Variants in GBE1 observed in about 807,000 individuals in gnomAD.
GBE1 encodes the protein 1,4-alpha-glucan-branching enzyme.
GBE1 carries 70 observed loss-of-function variants against 88.8 expected under a neutral mutation model. The ratio of observed to expected loss-of-function variants is 0.79; its 90% CI spans 0.65 to 0.96. The LOEUF is 0.96. Ranked by LOEUF, GBE1 falls within the 40% of genes least tolerant of loss-of-function variation. The pLI, the probability that GBE1 is intolerant of heterozygous loss-of-function variation, is 0.00. For synonymous variants in GBE1, 284 were observed against 300.1 expected (o/e 0.95, Z 0.56); for missense variants, 872 against 871.0 (o/e 1.00, Z -0.01).
At chr3:81,539,789 G>A (rs1703120833) in intron 12 of GBE1, among the ~76,000 whole-genome samples, 1 of 152,152 alleles carries the variant, frequency 6.6e-6, no homozygotes, top group South Asian at 2.1e-4. Context: ...GTGACAGAAA[G>A]TTTGGGGTAA....
At position 81,535,267 on chromosome 3, in the gene GBE1, A is replaced by G; in HGVS notation, c.1862T>C (p.Leu621Pro). 6.2e-7 allele frequency: 1 copy of G among 1,611,540 alleles called. No individual in the cohort carries two copies. The highest frequency in any genetic ancestry group is 2.2e-5 in the East Asian group (1 of 44,800). ...TGGATGGAAGTTGAAAATGAAAAGA[A>G]GACCTGCTCTTTCAAAAGCAATGAT... ...NKIIAFERAG[L>P]LFIFNFHPSK... The change falls in exon 14 of 16, where the codon CTT (leucine) becomes CCT (proline). Residue 621 changes from leucine to proline, a missense_variant. Coordinates refer to ENST00000429644, the MANE Select transcript of GBE1 (RefSeq NM_000158.4).
intron 9 of GBE1, among the ~76,000 whole-genome samples, 156 bp downstream of exon 9, chr3:81,590,881 A>G (rs1206582343): frequency 6.6e-6 from 1 of 152,100 alleles, no homozygotes; most frequent in Non-Finnish European, 1.5e-5. Flanking sequence ...AATTCTAAAT[A>G]ATGTGCCACC....
intron 7 of GBE1, among the ~76,000 whole-genome samples, chr3:81,621,904 C>A (rs1310374606): frequency 6.6e-6 from 1 of 152,094 alleles, no homozygotes; most frequent in Non-Finnish European, 1.5e-5. Flanking sequence ...AGCATCAACA[C>A]CCAATCAAAT....
chr3:81,708,967 G>A (rs1423004933), intron 1 of GBE1, among the ~76,000 whole-genome samples: 1 of 152,124 alleles, frequency 6.6e-6, no homozygotes, highest in African/African-American at 2.4e-5. Flanking sequence ...TAACAATTAT[G>A]AGGAGCTGAC....
chr3:81,604,877 A>G (rs1017313871), intron 7 of GBE1, among the ~76,000 whole-genome samples: 5 of 152,154 alleles, frequency 3.3e-5, no homozygotes, highest in African/African-American at 9.7e-5. Flanking sequence ...GAGACCTTTC[A>G]TAACATGTTT....
At chr3:81,607,225 T>C (rs1168561963) in intron 7 of GBE1, among the ~76,000 whole-genome samples, 1 of 152,198 alleles carries the variant, frequency 6.6e-6, no homozygotes, top group Admixed American at 6.5e-5. Context: ...GGAAAAACTA[T>C]TGTTTACCTC....
At chr3:81,712,918 T>G in intron 1 of GBE1, among the ~76,000 whole-genome samples, 1 of 152,124 alleles carries the variant, frequency 6.6e-6, no homozygotes, top group East Asian at 1.9e-4. Context: ...TACAAAATTA[T>G]TCATATATTA....
In GBE1 at chr3:81,498,897, T is replaced by C. The variant is rs1702549150; in HGVS notation, c.2052+213A>G. Among the ~76,000 whole-genome samples, 3 of 152,292 alleles carry C rather than the reference T, an allele frequency of 2.0e-5. 1 individual carries two copies. Among genetic ancestry groups the C allele is most frequent in the Middle Eastern group, 6.8e-3 (2 of 294 alleles). On this transcript the variant is annotated intron_variant, in intron 15 of 15. Coordinates refer to ENST00000429644, the MANE Select transcript of GBE1 (RefSeq NM_000158.4). ...CCTATTAATATTTAATTTTTGCCAA[T>C]TGTCCCCTAAATATCCTTTACTATT... is the stretch of plus-strand genomic sequence containing the variant.
intron 11 of GBE1, 140 bp from the exon 12 acceptor site, chr3:81,578,236 T>C: frequency 1.6e-6 from 1 of 626,700 alleles, no homozygotes; most frequent in Non-Finnish European, 2.6e-6. Flanking sequence ...TTCAGGTATT[T>C]TCCACTGGTG....
intron 7 of GBE1, among the ~76,000 whole-genome samples, chr3:81,596,905 T>C (rs989655052): frequency 4.6e-5 from 7 of 152,092 alleles, no homozygotes; most frequent in African/African-American, 1.7e-4. Context: ...ACGTCACCAG[T>C]GAAAATACTG....
chr3:81,727,057 G>A (rs1488834613), intron 1 of GBE1, among the ~76,000 whole-genome samples: 10 of 152,038 alleles, frequency 6.6e-5, no homozygotes, highest in Non-Finnish European at 1.5e-4. Context: ...CTTCCCTAAG[G>A]CAGAAATGAT....
intron 3 of GBE1, among the ~76,000 whole-genome samples, chr3:81,665,468 A>G (rs374330476): frequency 2.2e-4 from 34 of 151,364 alleles, no homozygotes; most frequent in East Asian, 1.4e-3. Context: ...CCCGGGAGGC[A>G]GAGCTTGCAG....
chr3:81,743,138 A>G lies in GBE1; in HGVS notation c.143+18237T>C, dbSNP rs73853481. On this transcript the variant is annotated intron_variant, in intron 1 of 15. Coordinates refer to ENST00000429644, the MANE Select transcript of GBE1 (RefSeq NM_000158.4). ...TTCAAAACACACAGCCAGCATCCCA[A>G]AGATGCTCAGTGAGTCAGCACGTAC... 9.1e-3 allele frequency among the ~76,000 whole-genome samples: 1,392 copies of G among 152,250 alleles called. 21 individuals are homozygous for G. Among genetic ancestry groups the G allele is most frequent in the African/African-American group, 0.028 (1,166 of 41,552 alleles).
chr3:81,519,931 T>C (rs1436268776), intron 14 of GBE1, among the ~76,000 whole-genome samples: 1 of 151,504 alleles, frequency 6.6e-6, no homozygotes, highest in Non-Finnish European at 1.5e-5. Flanking sequence ...TTCAAAATTA[T>C]TTTGAACATT....
At chr3:81,587,879 T>G (rs1204952687) in intron 9 of GBE1, among the ~76,000 whole-genome samples, 1 of 152,186 alleles carries the variant, frequency 6.6e-6, no homozygotes, top group African/African-American at 2.4e-5. Context: ...TTAACTAAAG[T>G]GCACAGAAAG....
chr3:81,747,790 C>A (rs1014013555), intron 1 of GBE1, among the ~76,000 whole-genome samples: 1 of 152,162 alleles, frequency 6.6e-6, no homozygotes, highest in East Asian at 1.9e-4. Context: ...GTGACCCCCG[C>A]CCCTGCCCAC....
At chr3:81,607,106 G>T (rs1320738941) in intron 7 of GBE1, among the ~76,000 whole-genome samples, 5 of 152,122 alleles carry the variant, frequency 3.3e-5, no homozygotes, top group African/African-American at 4.8e-5. Flanking sequence ...GCACAGAAAA[G>T]AAAAAGTTGT....
chr3:81,757,683 C>T (rs185444433), intron 1 of GBE1, among the ~76,000 whole-genome samples: 1 of 152,128 alleles, frequency 6.6e-6, no homozygotes, highest in South Asian at 2.1e-4. Flanking sequence ...CCAGACACTG[C>T]GATTGGGTTG....
chr3:81,737,493 C>G (rs1279716393), intron 1 of GBE1, among the ~76,000 whole-genome samples: 2 of 146,786 alleles, frequency 1.4e-5, no homozygotes, highest in African/African-American at 2.5e-5. Flanking sequence ...CAATACTACT[C>G]AAATGTGTGC....
Sources: allele counts gnomAD v4.1 joint callset (sites outside exome capture counted in the v4.1 genomes callset), GRCh38; gene constraint gnomAD v4.1.1; transcripts MANE v1.5; gene names NCBI Gene and HGNC (gene_info 2026-07-23, HGNC 2026-07-21).